GRXCR1: variants seen among roughly 807,000 people sequenced by gnomAD.
GRXCR1 encodes glutaredoxin domain-containing cysteine-rich protein 1.
Under a neutral mutation model 27.3 loss-of-function variants are expected in GRXCR1, and 27 were observed. The observed-to-expected ratio is 0.99, with a 90% CI of 0.73 to 1.37. The LOEUF is 1.37. Among genes scored for constraint, GRXCR1 ranks in the 40% most tolerant of loss-of-function variants. The pLI, the probability that GRXCR1 is intolerant of heterozygous loss-of-function variation, is 0.00. For synonymous variants in GRXCR1, 122 were observed against 131.1 expected, an observed-to-expected ratio of 0.93 and a Z score of 0.47; for missense variants, 379 against 354.4, an observed-to-expected ratio of 1.07 and a Z score of -0.56.
At position 42,997,224 on chromosome 4, in the gene GRXCR1, G is replaced by C. The variant is rs149689736; in HGVS notation, c.628-23130G>C. Among the ~76,000 whole-genome samples, 287 of 152,122 alleles carry C rather than the reference G, an allele frequency of 1.9e-3. 2 individuals carry two copies. The highest frequency in any genetic ancestry group is 6.7e-3 in the African/African-American group (277 of 41,496). On this transcript the variant is annotated intron_variant, in intron 2 of 3. Coordinates refer to ENST00000399770, the MANE Select transcript of GRXCR1 (RefSeq NM_001080476.3). ...AATAGATTACTGAAAGTTGAAATTT[G>C]GTTTGCTTTTTTTCCCTTTATTTTT...
At chr4:42,938,644 T>C (rs571328064) in intron 1 of GRXCR1, among the ~76,000 whole-genome samples, 12 of 152,172 alleles carry the variant, frequency 7.9e-5, no homozygotes, top group Admixed American at 7.2e-4. Context: ...TGAGGTCTTA[T>C]ATTTGTCTTT....
At chr4:42,955,734 G>T (rs1169218216) in intron 1 of GRXCR1, among the ~76,000 whole-genome samples, 4 of 152,076 alleles carry the variant, frequency 2.6e-5, no homozygotes, top group African/African-American at 9.7e-5. Flanking sequence ...ATTGCTTAAG[G>T]TCTGAATTCT....
intron 1 of GRXCR1, among the ~76,000 whole-genome samples, chr4:42,895,666 C>T (rs748107343): frequency 2.0e-5 from 3 of 152,102 alleles, no homozygotes; most frequent in Non-Finnish European, 4.4e-5. Context: ...TTGTGCAATA[C>T]ACCCTACTCA....
At chr4:42,963,233 C>G in intron 2 of GRXCR1, 99 bp downstream of exon 2, 10 of 1,419,514 alleles carry the variant, frequency 7.0e-6, no homozygotes, top group Non-Finnish European at 9.9e-6. Flanking sequence ...TACTGGAACA[C>G]TTGCTGGTTT....
chr4:42,918,114 A>C (rs1045444615), intron 1 of GRXCR1, among the ~76,000 whole-genome samples: 1 of 152,140 alleles, frequency 6.6e-6, no homozygotes, highest in Non-Finnish European at 1.5e-5. Context: ...GAAGCTGGGA[A>C]GTCCAAGATC....
chr4:43,012,676 A>G lies in GRXCR1; in HGVS notation c.628-7678A>G, dbSNP rs529308977. ...ACAACAACCCTATAAACATTATTAT[A>G]CCCATTTTACAAATGAGAAAATTGA... On this transcript the variant is annotated intron_variant, in intron 2 of 3. Coordinates refer to ENST00000399770, the MANE Select transcript of GRXCR1 (RefSeq NM_001080476.3). Among the ~76,000 whole-genome samples, 7 of 152,300 alleles carry G rather than the reference A, an allele frequency of 4.6e-5. No individual in the cohort carries two copies. In the East Asian group the frequency reaches 1.4e-3, roughly 29 times the overall value.
chr4:42,982,785 T>C (rs1434057901), intron 2 of GRXCR1, among the ~76,000 whole-genome samples: 5 of 150,512 alleles, frequency 3.3e-5, no homozygotes, highest in Admixed American at 6.6e-5. Flanking sequence ...GTGGTTTTGA[T>C]TTGCATTTCT....
chr4:42,909,290 G>A (rs1746665150), intron 1 of GRXCR1, among the ~76,000 whole-genome samples: 1 of 152,070 alleles, frequency 6.6e-6, no homozygotes, highest in African/African-American at 2.4e-5. Flanking sequence ...TTGACAGTTC[G>A]AAATGGGCCT....
chr4:42,900,931 G>A (rs1746446823), intron 1 of GRXCR1, among the ~76,000 whole-genome samples: 2 of 152,144 alleles, frequency 1.3e-5, no homozygotes, highest in African/African-American at 2.4e-5. Context: ...CACCTTTGGT[G>A]AAGAGCCAGG....
intron 3 of GRXCR1, among the ~76,000 whole-genome samples, chr4:43,024,197 CTTTT>C (rs60704333): frequency 4.8e-4 from 45 of 94,240 alleles, no homozygotes; most frequent in East Asian, 3.3e-3. Flanking sequence ...ATTTTCTGTC[CTTTT>C]TTTTTTTTTT....
intron 1 of GRXCR1, among the ~76,000 whole-genome samples, chr4:42,900,455 C>CT (rs1216161935): frequency 3.9e-5 from 6 of 151,934 alleles, no homozygotes; most frequent in Non-Finnish European, 8.8e-5. Flanking sequence ...GGAGTATTCC[C>CT]TTTTTTTGAT....
intron 1 of GRXCR1, among the ~76,000 whole-genome samples, chr4:42,912,672 C>G (rs780676850): frequency 1.1e-4 from 17 of 152,074 alleles, no homozygotes; most frequent in Non-Finnish European, 2.1e-4. Context: ...ATACTTTGCC[C>G]TTATTATCTT....
Position 43,030,461 on chromosome 4 carries a change from T to C in GRXCR1, c.794T>C (p.Phe265Ser). The C allele has an allele frequency of 6.2e-7, 1 of 1,614,082 alleles. No homozygotes were observed. The highest frequency in any genetic ancestry group is 8.5e-7 in the Non-Finnish European group (1 of 1,179,976). ...AAGATGTCCATGTTTCGAAACTGCT[T>C]CACAGACTCTTTCAAAGCCCTGAAG... is the stretch of plus-strand genomic sequence containing the variant. ...GSKMSMFRNC[F>S]TDSFKALKCT... Residue 265 changes from phenylalanine (F) to serine (S), a missense_variant, in exon 4 of 4, where the codon TTC becomes TCC. Coordinates refer to ENST00000399770, the MANE Select transcript of GRXCR1 (RefSeq NM_001080476.3).
At chr4:43,014,054 CAAA>C (rs3047831) in intron 2 of GRXCR1, among the ~76,000 whole-genome samples, 150 of 123,706 alleles carry the variant, frequency 1.2e-3, no homozygotes, top group African/African-American at 3.4e-3. Context: ...TACATAATTG[CAAA>C]AAAAAAAAAA....
At chr4:43,005,019 C>A (rs1166716516) in intron 2 of GRXCR1, among the ~76,000 whole-genome samples, 1 of 152,160 alleles carries the variant, frequency 6.6e-6, no homozygotes, top group Non-Finnish European at 1.5e-5. Flanking sequence ...GTAATCCCCA[C>A]ATATTGGGGG....
intron 2 of GRXCR1, among the ~76,000 whole-genome samples, chr4:42,971,392 T>C (rs1446275224): frequency 1.3e-5 from 2 of 152,128 alleles, no homozygotes; most frequent in Non-Finnish European, 2.9e-5. Flanking sequence ...CACACTGCTA[T>C]AAAGAACTAC....
At chr4:43,008,287 G>A (rs527652114) in intron 2 of GRXCR1, among the ~76,000 whole-genome samples, 3 of 152,182 alleles carry the variant, frequency 2.0e-5, no homozygotes, top group East Asian at 1.9e-4. Flanking sequence ...ACAAGAGGAC[G>A]GTATATTTAC....
chr4:42,961,749 T>C (rs1393495479), intron 1 of GRXCR1, among the ~76,000 whole-genome samples: 1 of 152,002 alleles, frequency 6.6e-6, no homozygotes, highest in Non-Finnish European at 1.5e-5. Flanking sequence ...TATTGGCATC[T>C]TTATGACATT....
intron 1 of GRXCR1, among the ~76,000 whole-genome samples, chr4:42,935,424 G>A (rs188749363): frequency 1.6e-3 from 250 of 151,974 alleles, no homozygotes; most frequent in African/African-American, 5.7e-3. Flanking sequence ...GGAAGGAAGA[G>A]GGGAAAGAAA....
Sources: allele counts gnomAD v4.1 joint callset (sites outside exome capture counted in the v4.1 genomes callset), GRCh38; gene constraint gnomAD v4.1.1; transcripts MANE v1.5; gene names NCBI Gene and HGNC (gene_info 2026-07-23, HGNC 2026-07-21).